Variants in SSH2 observed in about 807,000 individuals in gnomAD.
SSH2 encodes protein phosphatase Slingshot homolog 2.
A neutral mutation model predicts 135.2 loss-of-function variants in SSH2; 37 were observed. The ratio of observed to expected loss-of-function variants is 0.27; its 90% CI spans 0.21 to 0.36. SSH2 has a LOEUF of 0.36. Among genes scored for constraint, SSH2 ranks in the 10% least tolerant of loss-of-function variants. The pLI, the probability that SSH2 is intolerant of heterozygous loss-of-function variation, is 1.00. For synonymous variants in SSH2, 628 were observed against 646.2 expected (o/e 0.97, Z 0.43); for missense variants, 1,408 against 1,765.3 (o/e 0.80, Z 3.63).
At chr17:29,833,662 TC>T in intron 2 of SSH2, among the ~76,000 whole-genome samples, 2 of 150,730 alleles carry the variant, frequency 1.3e-5, no homozygotes, top group Non-Finnish European at 3.0e-5. Flanking sequence ...CTTCCTTCCT[TC>T]CTTCCTTCTT....
intron 1 of SSH2, among the ~76,000 whole-genome samples, chr17:29,886,584 T>C (rs1464703115): frequency 1.3e-5 from 2 of 151,742 alleles, no homozygotes; most frequent in East Asian, 3.9e-4. Flanking sequence ...CTGTCTCTAC[T>C]AAAAATACAA....
intron 3 of SSH2, among the ~76,000 whole-genome samples, chr17:29,784,709 A>G (rs902163504): frequency 6.6e-6 from 1 of 152,172 alleles, no homozygotes; most frequent in Admixed American, 6.5e-5. Context: ...AGATCTATCA[A>G]ATTGAAACTC....
intron 2 of SSH2, among the ~76,000 whole-genome samples, chr17:29,807,884 C>G (rs755300189): frequency 8.0e-6 from 1 of 125,608 alleles, no homozygotes; most frequent in African/African-American, 3.2e-5. Context: ...GAAAGCCAAT[C>G]GAGAAAAGTT....
intron 3 of SSH2, among the ~76,000 whole-genome samples, chr17:29,730,787 C>A (rs2040164078): frequency 6.6e-6 from 1 of 151,968 alleles, no homozygotes; most frequent in African/African-American, 2.4e-5. Context: ...ATCTCTTGTA[C>A]CCCATAAATA....
rs748828013 is a variant in SSH2, at chr17:29,636,408, G to A, written c.1822C>T (p.His608Tyr). The A allele has an allele frequency of 2.5e-6, 4 of 1,614,090 alleles. No homozygotes were observed. Among genetic ancestry groups the A allele is most frequent in the Admixed American group, 1.7e-5 (1 of 60,006 alleles). ...HASKALIQPG[H>Y]VPEMANKFPD... ...AACTTGTTGGCCATTTCTGGGACAT[G>A]TCCAGGCTGAATTAAGGCTTTGGAT... The change falls in exon 15 of 16, where the codon CAT becomes TAT. Residue 608 changes from histidine (H) to tyrosine (Y), a missense_variant. Coordinates refer to ENST00000540801, the MANE Select transcript of SSH2 (RefSeq NM_001282129.2).
chr17:29,755,180 T>G (rs1415866643), intron 3 of SSH2, among the ~76,000 whole-genome samples: 4 of 152,222 alleles, frequency 2.6e-5, no homozygotes, highest in African/African-American at 4.8e-5. Context: ...TTTGTTTTAC[T>G]AAAATGCACG....
At chr17:29,847,700 A>G (rs990322834) in intron 2 of SSH2, among the ~76,000 whole-genome samples, 2 of 152,178 alleles carry the variant, frequency 1.3e-5, no homozygotes, top group African/African-American at 4.8e-5. Context: ...TCTGTTCCAG[A>G]TGGGATAAAG....
chr17:29,666,064 C>T (rs1380459806), intron 11 of SSH2, among the ~76,000 whole-genome samples: 4 of 152,030 alleles, frequency 2.6e-5, no homozygotes, highest in Non-Finnish European at 4.4e-5. Flanking sequence ...TGGGGCCAGG[C>T]GCGATGGCTC....
chr17:29,683,926 C>G (rs988138621), intron 6 of SSH2, among the ~76,000 whole-genome samples: 2 of 152,236 alleles, frequency 1.3e-5, no homozygotes, highest in South Asian at 4.2e-4. Flanking sequence ...TCAGCCTGGG[C>G]AGCAGAGCGA....
At chr17:29,914,671 G>A (rs2066850518) in intron 1 of SSH2, among the ~76,000 whole-genome samples, 1 of 151,846 alleles carries the variant, frequency 6.6e-6, no homozygotes, top group South Asian at 2.1e-4. Context: ...ATTCAACTGT[G>A]CCCAATGAGC....
At chr17:29,859,541 G>A (rs571844675) in intron 1 of SSH2, among the ~76,000 whole-genome samples, 1 of 152,212 alleles carries the variant, frequency 6.6e-6, no homozygotes, top group African/African-American at 2.4e-5. Context: ...AGAACATGCG[G>A]TATTTGGTTT....
intron 6 of SSH2, among the ~76,000 whole-genome samples, chr17:29,678,065 T>C (rs375021742): frequency 1.3e-4 from 20 of 151,954 alleles, no homozygotes; most frequent in East Asian, 7.8e-4. Flanking sequence ...TCTTAGCACA[T>C]AGTACAGTGT....
chr17:29,781,530 A>G (rs1436395799), intron 3 of SSH2, among the ~76,000 whole-genome samples: 1 of 130,094 alleles, frequency 7.7e-6, no homozygotes, highest in Non-Finnish European at 1.5e-5. Context: ...CCCGGGCTAG[A>G]GTGCAATGGC....
At chr17:29,675,148 A>C (rs1388437967) in intron 8 of SSH2, among the ~76,000 whole-genome samples, 1 of 152,198 alleles carries the variant, frequency 6.6e-6, no homozygotes, top group Non-Finnish European at 1.5e-5. Flanking sequence ...TACCTGCAAA[A>C]TATGCCCTAA....
At chr17:29,716,436 G>T (rs982611670) in intron 3 of SSH2, 1 of 657,992 alleles carries the variant, frequency 1.5e-6, no homozygotes, top group Non-Finnish European at 2.8e-6. Flanking sequence ...AATTCTCTTG[G>T]CAAGAATCTT....
rs745840185 is a variant in SSH2, at chr17:29,666,851, T to C, written c.1032+16A>G. On this transcript the variant is annotated intron_variant, in intron 11 of 15. Coordinates refer to ENST00000540801, the MANE Select transcript of SSH2 (RefSeq NM_001282129.2). ...GCTAGCGTTAGCACACCACTTAAAGTGGCTTTAAAACTTACCAGGAACACA... is the reference window on the plus strand; with the variant it reads ...GCTAGCGTTAGCACACCACTTAAAGCGGCTTTAAAACTTACCAGGAACACA... The C allele has an allele frequency of 1.9e-6, 3 of 1,613,788 alleles. No individual in the cohort carries two copies. Among genetic ancestry groups the C allele is most frequent in the Non-Finnish European group, 1.7e-6 (2 of 1,179,774 alleles).
intron 6 of SSH2, among the ~76,000 whole-genome samples, chr17:29,684,127 T>C (rs893631399): frequency 6.6e-6 from 1 of 152,180 alleles, no homozygotes; most frequent in Non-Finnish European, 1.5e-5. Context: ...AAGATACTTA[T>C]GTTCTTTAGT....
intron 3 of SSH2, among the ~76,000 whole-genome samples, chr17:29,751,929 T>C (rs948012911): frequency 6.6e-6 from 1 of 151,990 alleles, no homozygotes; most frequent in Non-Finnish European, 1.5e-5. Flanking sequence ...TTAGAAAACG[T>C]CATGGGAAAG....
intron 2 of SSH2, among the ~76,000 whole-genome samples, chr17:29,847,407 G>T (rs768823524): frequency 1.4e-4 from 22 of 152,178 alleles, no homozygotes; most frequent in Admixed American, 2.6e-4. Context: ...CAAAGAGCTG[G>T]TCCTCTCTAT....
Sources: allele counts gnomAD v4.1 joint callset (sites outside exome capture counted in the v4.1 genomes callset), GRCh38; gene constraint gnomAD v4.1.1; transcripts MANE v1.5; gene names NCBI Gene and HGNC (gene_info 2026-07-23, HGNC 2026-07-21).